UNC5D: variants seen among roughly 807,000 people sequenced by gnomAD.
The protein encoded by UNC5D is unc-5 netrin receptor D.
In UNC5D, 39 loss-of-function variants were observed where a neutral mutation model predicts 105.4. The ratio of observed to expected loss-of-function variants is 0.37; its 90% confidence interval spans 0.29 to 0.48. The LOEUF (loss-of-function observed/expected upper bound fraction) is 0.48, where lower values mean the gene tolerates loss of function less well. Among genes scored for constraint, UNC5D ranks in the 20% least tolerant of loss-of-function variants. The pLI, the probability that UNC5D is intolerant of heterozygous loss-of-function variation, is 0.98. For synonymous variants in UNC5D, 452 were observed against 450.4 expected (o/e 1.00, Z -0.04); for missense variants, 991 against 1,202.4 (o/e 0.82, Z 2.60).
intron 1 of UNC5D, among the ~76,000 whole-genome samples, chr8:35,333,729 C>G (rs1358753342): frequency 6.6e-6 from 1 of 152,192 alleles, no homozygotes; most frequent in South Asian, 2.1e-4. Context: ...ATCCACTAGC[C>G]TCTGCCTCCC....
intron 1 of UNC5D, among the ~76,000 whole-genome samples, chr8:35,535,901 A>T (rs1178073378): frequency 2.6e-5 from 4 of 152,188 alleles, no homozygotes; most frequent in Non-Finnish European, 5.9e-5. Context: ...AATGCACACA[A>T]CAACCTTGTG....
intron 1 of UNC5D, among the ~76,000 whole-genome samples, chr8:35,531,999 C>T (rs1376707901): frequency 7.2e-6 from 1 of 139,164 alleles, no homozygotes; most frequent in East Asian, 2.1e-4. Context: ...ACTCTTTATC[C>T]AATTTGCCAG....
intron 1 of UNC5D, among the ~76,000 whole-genome samples, chr8:35,357,942 A>C (rs917532889): frequency 6.6e-6 from 1 of 152,078 alleles, no homozygotes; most frequent in African/African-American, 2.4e-5. Context: ...GTAGTGAAAA[A>C]AAAGCAGGTA....
chr8:35,662,705 G>A (rs910016808), intron 4 of UNC5D, among the ~76,000 whole-genome samples: 2 of 152,112 alleles, frequency 1.3e-5, no homozygotes, highest in African/African-American at 2.4e-5. Flanking sequence ...TTATATAAAC[G>A]GTCACTCTGC....
intron 1 of UNC5D, among the ~76,000 whole-genome samples, chr8:35,516,160 A>G (rs761256074): frequency 7.9e-5 from 12 of 152,178 alleles, no homozygotes; most frequent in Non-Finnish European, 1.3e-4. Flanking sequence ...TTCATGATAT[A>G]TGCAGCAAGA....
At chr8:35,714,182 T>A (rs967865351) in intron 8 of UNC5D, among the ~76,000 whole-genome samples, 1 of 151,880 alleles carries the variant, frequency 6.6e-6, no homozygotes, top group South Asian at 2.1e-4. Context: ...GAGGAGGGAG[T>A]GAATGGAAAC....
At chr8:35,533,685 T>C (rs1814592851) in intron 1 of UNC5D, among the ~76,000 whole-genome samples, 1 of 152,204 alleles carries the variant, frequency 6.6e-6, no homozygotes, top group Non-Finnish European at 1.5e-5. Flanking sequence ...ACTGCTGTGC[T>C]AGCAATCAGC....
At chr8:35,763,928 T>C (rs934087578) in intron 14 of UNC5D, among the ~76,000 whole-genome samples, 5 of 152,180 alleles carry the variant, frequency 3.3e-5, no homozygotes, top group African/African-American at 1.2e-4. Context: ...AGTTCCTAGG[T>C]GGCCTGGTCA....
chr8:35,657,823 A>G (rs1035531026), intron 4 of UNC5D, among the ~76,000 whole-genome samples: 1 of 152,238 alleles, frequency 6.6e-6, no homozygotes, highest in Non-Finnish European at 1.5e-5. Flanking sequence ...TAATACTAGC[A>G]AATATCTATA....
intron 1 of UNC5D, chr8:35,255,708 A>T (rs879497373): frequency 2.0e-5 from 3 of 152,166 alleles, no homozygotes; most frequent in Admixed American, 1.3e-4. Flanking sequence ...TGTTGAGAAT[A>T]TCTCAGTTGT....
At chr8:35,402,490 G>A (rs1259455029) in intron 1 of UNC5D, among the ~76,000 whole-genome samples, 6 of 152,126 alleles carry the variant, frequency 3.9e-5, no homozygotes, top group South Asian at 4.1e-4. Context: ...CCTGCAACAC[G>A]TGGGAATTAT....
chr8:35,593,238 C>A (rs1056703340), intron 3 of UNC5D, among the ~76,000 whole-genome samples: 2 of 151,968 alleles, frequency 1.3e-5, no homozygotes, highest in Admixed American at 6.6e-5. Flanking sequence ...GTGTAGATAG[C>A]CATAAACTAA....
intron 4 of UNC5D, among the ~76,000 whole-genome samples, chr8:35,630,829 T>C (rs1014405758): frequency 1.3e-5 from 2 of 152,216 alleles, no homozygotes; most frequent in Non-Finnish European, 2.9e-5. Flanking sequence ...TTTGCAAACT[T>C]CATCCCTAAT....
chr8:35,459,985 T>C (rs1683651050), intron 1 of UNC5D, among the ~76,000 whole-genome samples: 1 of 152,160 alleles, frequency 6.6e-6, no homozygotes, highest in Admixed American at 6.5e-5. Context: ...GCTCCACGAT[T>C]CATCATCACT....
intron 7 of UNC5D, among the ~76,000 whole-genome samples, chr8:35,704,960 CTTTTTTT>C (rs1001514087): frequency 8.7e-6 from 1 of 115,594 alleles, no homozygotes; most frequent in Non-Finnish European, 1.7e-5. Context: ...TGCTGAATGC[CTTTTTTT>C]TTTTTTTTTT....
intron 4 of UNC5D, among the ~76,000 whole-genome samples, chr8:35,596,019 C>T (rs1819470683): frequency 6.6e-6 from 1 of 152,152 alleles, no homozygotes. Context: ...CAGGCAAACA[C>T]ACATGAAAAA....
chr8:35,481,090 A>G (rs1308432615), intron 1 of UNC5D, among the ~76,000 whole-genome samples: 1 of 152,232 alleles, frequency 6.6e-6, no homozygotes, highest in Non-Finnish European at 1.5e-5. Flanking sequence ...TGTGGATGAT[A>G]TAATCTTGGT....
At chr8:35,280,261 G>T (rs1284303328) in intron 1 of UNC5D, among the ~76,000 whole-genome samples, 1 of 152,114 alleles carries the variant, frequency 6.6e-6, no homozygotes, top group East Asian at 1.9e-4. Flanking sequence ...CTCCCAAATT[G>T]CTGGGATTAC....
chr8:35,276,132 A>G (rs1188560786), intron 1 of UNC5D, among the ~76,000 whole-genome samples: 1 of 152,188 alleles, frequency 6.6e-6, no homozygotes, highest in Non-Finnish European at 1.5e-5. Context: ...TCTTCTTAAT[A>G]AATTTTTGAA....
Sources: gnomAD v4.1 joint callset for allele counts (sites outside exome capture counted in the v4.1 genomes callset) on GRCh38, gnomAD v4.1.1 for gene constraint, MANE v1.5 for transcripts, NCBI Gene and HGNC (gene_info 2026-07-23, HGNC 2026-07-21) for gene names.